RANBP2: variants seen among roughly 807,000 people sequenced by gnomAD.
RANBP2 encodes the protein RAN binding protein 2, also known as E3 SUMO-protein ligase RanBP2.
Under a neutral mutation model 303.6 loss-of-function variants are expected in RANBP2, and 57 were observed. The observed-to-expected ratio is 0.19, with a 90% CI of 0.15 to 0.23. The LOEUF (loss-of-function observed/expected upper bound fraction) is 0.23, where lower values mean the gene tolerates loss of function less well. RANBP2 is among the 10% of genes least tolerant of loss of function. RANBP2 has a pLI of 1.00. For synonymous variants in RANBP2, 1,167 were observed against 1,301.5 expected (o/e 0.90, Z 2.23); for missense variants, 3,138 against 3,780.8 (o/e 0.83, Z 4.46).
At chr2:109,740,211 T>A in the RANBP2 span, among the ~76,000 whole-genome samples, 1 of 151,608 alleles carries the variant, frequency 6.6e-6, no homozygotes, top group African/African-American at 2.4e-5. Context: ...ATGGTCTCAA[T>A]CTCTTGACCT....
chr2:109,731,662 G>A, the RANBP2 span, among the ~76,000 whole-genome samples: 1 of 152,028 alleles, frequency 6.6e-6, no homozygotes, highest in African/African-American at 2.4e-5. Flanking sequence ...CAAAGTGCTG[G>A]GATTATAGTC....
chr2:108,889,407 T>A, the RANBP2 span, among the ~76,000 whole-genome samples: 13 of 152,310 alleles, frequency 8.5e-5, no homozygotes, highest in South Asian at 1.4e-3. Context: ...CTGACTGTTA[T>A]TGTATTGCAT....
At chr2:109,496,053 C>T in the RANBP2 span, among the ~76,000 whole-genome samples, 76 of 152,308 alleles carry the variant, frequency 5.0e-4, no homozygotes, top group African/African-American at 1.4e-3. Flanking sequence ...GGGGACCCAC[C>T]GGGTTGCCCT....
the RANBP2 span, chr2:109,614,135 C>A: frequency 1.7e-6 from 2 of 1,203,656 alleles, no homozygotes; most frequent in African/African-American, 1.6e-5. Flanking sequence ...GCTGGGACTC[C>A]AGGAAGACGG....
the RANBP2 span, among the ~76,000 whole-genome samples, chr2:108,985,346 C>A: frequency 5.6e-4 from 85 of 152,292 alleles, no homozygotes; most frequent in Non-Finnish European, 1.1e-3. Context: ...CAAGTGAAGG[C>A]GCGCCTTCCT....
chr2:109,403,809 A>C, the RANBP2 span, among the ~76,000 whole-genome samples: 1,053 of 152,278 alleles, frequency 6.9e-3, 8 homozygotes, highest in East Asian at 0.041. Flanking sequence ...TTGCACCTGC[A>C]ACCTTGGGTA....
At chr2:109,608,237 G>C in the RANBP2 span, among the ~76,000 whole-genome samples, 2 of 152,190 alleles carry the variant, frequency 1.3e-5, no homozygotes, top group African/African-American at 4.8e-5. Context: ...ACCATGCACA[G>C]CTTCTATTTG....
At chr2:108,813,643 G>A in the RANBP2 span, among the ~76,000 whole-genome samples, 3 of 151,892 alleles carry the variant, frequency 2.0e-5, no homozygotes, top group Non-Finnish European at 4.4e-5. Context: ...ATTACATATG[G>A]TAACATAATG....
At chr2:109,689,663 A>T in the RANBP2 span, among the ~76,000 whole-genome samples, 54 of 152,082 alleles carry the variant, frequency 3.6e-4, no homozygotes, top group Non-Finnish European at 6.2e-4. Flanking sequence ...CTGGTTCAGC[A>T]AACTCTAAAA....
At chr2:109,231,967 G>T in the RANBP2 span, among the ~76,000 whole-genome samples, 2 of 152,208 alleles carry the variant, frequency 1.3e-5, no homozygotes, top group Admixed American at 1.3e-4. Context: ...ACAATACATT[G>T]TAGAATATTT....
the RANBP2 span, among the ~76,000 whole-genome samples, chr2:109,190,598 A>G: frequency 6.6e-6 from 1 of 152,136 alleles, no homozygotes; most frequent in African/African-American, 2.4e-5. Flanking sequence ...AAATTACCAC[A>G]CTCCCATTGC....
At chr2:109,650,334 C>T in the RANBP2 span, among the ~76,000 whole-genome samples, 42 of 152,334 alleles carry the variant, frequency 2.8e-4, no homozygotes, top group South Asian at 8.5e-3. Context: ...AGCCGCTAGT[C>T]TCCCAAGGCA....
At chr2:109,415,781 GC>G in the RANBP2 span, among the ~76,000 whole-genome samples, 1 of 152,134 alleles carries the variant, frequency 6.6e-6, no homozygotes, top group East Asian at 1.9e-4. Context: ...GCTCCTCTAG[GC>G]CCACCACCCA....
chr2:108,815,990 G>A, the RANBP2 span: 1 of 1,613,378 alleles, frequency 6.2e-7, no homozygotes. Context: ...TTCATGGACT[G>A]GATTTCGGAT....
At chr2:108,838,742 T>C in the RANBP2 span, among the ~76,000 whole-genome samples, 1 of 152,120 alleles carries the variant, frequency 6.6e-6, no homozygotes, top group Non-Finnish European at 1.5e-5. Flanking sequence ...AAAAAATCCT[T>C]TCATATATCT....
the RANBP2 span, among the ~76,000 whole-genome samples, chr2:109,209,533 G>A: frequency 6.6e-6 from 1 of 152,176 alleles, no homozygotes; most frequent in Non-Finnish European, 1.5e-5. Flanking sequence ...GAACTGTGCA[G>A]TGTGTTATCT....
the RANBP2 span, chr2:109,614,699 C>A: frequency 1.3e-6 from 2 of 1,488,556 alleles, no homozygotes; most frequent in Non-Finnish European, 1.8e-6. Flanking sequence ...GCGTCGATCC[C>A]GCCGACGGCG....
chr2:108,808,156 G>A, the RANBP2 span, among the ~76,000 whole-genome samples: 1 of 152,092 alleles, frequency 6.6e-6, no homozygotes, highest in Admixed American at 6.5e-5. Flanking sequence ...ACAAGATTTT[G>A]TTCTTTTTCA....
At chr2:109,159,520 C>T in the RANBP2 span, among the ~76,000 whole-genome samples, 586 of 152,330 alleles carry the variant, frequency 3.8e-3, 2 homozygotes, top group Non-Finnish European at 5.9e-3. Flanking sequence ...TTCCTTGTTG[C>T]TCACAGCTTA....
Sources: gnomAD v4.1 joint callset for allele counts (sites outside exome capture counted in the v4.1 genomes callset) on GRCh38, gnomAD v4.1.1 for gene constraint, MANE v1.5 for transcripts, NCBI Gene and HGNC (gene_info 2026-07-23, HGNC 2026-07-21) for gene names.